CDC16: variants seen among roughly 807,000 people sequenced by gnomAD.
CDC16 encodes cell division cycle protein 16 homolog.
Under a neutral mutation model 87.0 loss-of-function variants are expected in CDC16, and 34 were observed. The observed-to-expected ratio is 0.39, with a 90% CI of 0.30 to 0.52. CDC16 has a LOEUF of 0.52. CDC16 is among the 20% of genes least tolerant of loss of function. The pLI is 0.74. For synonymous variants in CDC16, 263 were observed against 260.6 expected (o/e 1.01, Z -0.09); for missense variants, 653 against 751.9 (o/e 0.87, Z 1.54).
chr13:114,235,256 T>A, intron 1 of CDC16, 124 bp downstream of exon 1: 1 of 608,296 alleles, frequency 1.6e-6, no homozygotes, highest in Non-Finnish European at 2.4e-6. Context: ...CCCTGGGCCT[T>A]CATCTGGGGC....
At position 114,262,953 on chromosome 13, in the gene CDC16, C is replaced by T. The variant is rs149004037; in HGVS notation, c.1451C>T (p.Ala484Val). Residue 484 changes from alanine (A) to valine (V), a missense_variant, in exon 16 of 18, where the codon GCT becomes GTT. Ala to Val is a moderately conservative substitution (Grantham distance 64, BLOSUM62 0). Coordinates refer to ENST00000356221, the MANE Select transcript of CDC16 (RefSeq NM_001078645.3). Reference protein sequence around the residue: ...LIPQNASTYSAIGYIHSLMGN... With the variant: ...LIPQNASTYSVIGYIHSLMGN... The stretch of plus-strand genomic sequence containing the variant: ...CCTCAGAACGCATCCACCTACTCTG[C>T]TATTGGATATATCCACAGTCTGATG... 93 of 1,612,660 alleles carry T rather than the reference C, an allele frequency of 5.8e-5. No individual in the cohort carries two copies. Among genetic ancestry groups the T allele is most frequent in the Middle Eastern group, 1.7e-4 (1 of 6,058 alleles).
intron 17 of CDC16, among the ~76,000 whole-genome samples, chr13:114,267,506 A>T (rs1439622550): frequency 6.6e-6 from 1 of 152,192 alleles, no homozygotes; most frequent in Non-Finnish European, 1.5e-5. Context: ...ACAAAAAAAA[A>T]AGTGCTACGT....
At chr13:114,254,531 G>T (rs1206874575) in intron 12 of CDC16, among the ~76,000 whole-genome samples, 3 of 152,126 alleles carry the variant, frequency 2.0e-5, no homozygotes, top group African/African-American at 7.2e-5. Flanking sequence ...TCCTTGTGCT[G>T]TTAGTGTCAT....
chr13:114,272,251 CATT>C lies in CDC16; in HGVS notation c.1675_1677del (p.Ile559del), dbSNP rs2083736888. ...TGCATACAATGAAGACACTAAAAAACATTATTTCACCTCCGTGGGATTTCAGGG... is the reference window on the plus strand; with the variant it reads ...TGCATACAATGAAGACACTAAAAAACATTTCACCTCCGTGGGATTTCAGGG... On this transcript the variant is annotated inframe_deletion, in exon 18 of 18. Transcript: ENST00000356221. 6.2e-7 allele frequency: 1 copy of C among 1,612,124 alleles called. No individual in the cohort carries two copies. The highest frequency in any genetic ancestry group is 8.5e-7 in the Non-Finnish European group (1 of 1,178,466).
At chr13:114,259,692 G>T (rs551022105) in intron 14 of CDC16, among the ~76,000 whole-genome samples, 28 of 152,322 alleles carry the variant, frequency 1.8e-4, no homozygotes, top group African/African-American at 6.3e-4. Flanking sequence ...ATAGTCATTG[G>T]GTCACGGAAA....
Position 114,235,012 on chromosome 13 carries a change from G to C in CDC16, c.-73G>C. 1 of 1,183,202 alleles carries C rather than the reference G, an allele frequency of 8.5e-7. No homozygotes were observed. The highest frequency in any genetic ancestry group is 1.1e-6 in the Non-Finnish European group (1 of 937,328). The allele number at this position is 1,183,202 out of a possible 1,614,324, so 73.3% of individuals were successfully genotyped here. On this transcript the variant is annotated 5_prime_UTR_variant, in exon 1 of 18. Transcript: ENST00000356221. ...GGCTGCAGGCACGGGCACGGGCACG[G>C]GGCGGGGTGCTTAGGGTGCAGGAGG...
chr13:114,259,310 G>A (rs779663136), intron 13 of CDC16, 25 bp from the exon 14 acceptor site: 15 of 1,549,970 alleles, frequency 9.7e-6, no homozygotes, highest in Middle Eastern at 1.8e-4. Context: ...CGAATAATCT[G>A]CAACCTTTTT....
At chr13:114,267,528 T>G (rs75648340) in intron 17 of CDC16, among the ~76,000 whole-genome samples, 2,227 of 152,252 alleles carry the variant, frequency 0.015, 64 homozygotes, top group African/African-American at 0.051. Flanking sequence ...TTGGTAGTTA[T>G]GCATATTCTT....
intron 1 of CDC16, among the ~76,000 whole-genome samples, chr13:114,236,325 A>G (rs1031831315): frequency 6.6e-6 from 1 of 152,224 alleles, no homozygotes; most frequent in Non-Finnish European, 1.5e-5. Context: ...TGAATTGTTA[A>G]TGACTAGCTT....
At chr13:114,252,790 A>C (rs926660688) in intron 12 of CDC16, among the ~76,000 whole-genome samples, 20 of 152,218 alleles carry the variant, frequency 1.3e-4, no homozygotes, top group Admixed American at 8.5e-4. Context: ...AATGATAATT[A>C]ATGACACAAT....
At chr13:114,238,412 G>A (rs1338926609) in intron 3 of CDC16, among the ~76,000 whole-genome samples, 2 of 137,648 alleles carry the variant, frequency 1.5e-5, no homozygotes, top group Non-Finnish European at 1.5e-5. Context: ...CTCCTCGGAC[G>A]CCCAGCAGTT....
rs774337025 is a variant in CDC16, at chr13:114,257,183, C to T, written c.1203C>T (p.Asp401=). The T allele has an allele frequency of 1.3e-5, 21 of 1,613,322 alleles. No homozygotes were observed. Among genetic ancestry groups the T allele is most frequent in the Non-Finnish European group, 1.8e-5 (21 of 1,179,462 alleles). ...AAGCTCTGAGCATTGCACCGGAAGACCCTTTTGTTATGCATGAGGTCGGCG... is the reference window on the plus strand; with the variant it reads ...AAGCTCTGAGCATTGCACCGGAAGATCCTTTTGTTATGCATGAGGTCGGCG... The part of the protein sequence containing the change: ...FSQALSIAPE[D]PFVMHEVGVV... Residue 401 remains aspartate, a synonymous_variant, in exon 13 of 18, where the codon GAC becomes GAT. Coordinates refer to ENST00000356221, the MANE Select transcript of CDC16 (RefSeq NM_001078645.3).
chr13:114,239,021 G>C lies in CDC16; in HGVS notation c.233G>C (p.Arg78Thr), dbSNP rs751951705. 6.2e-7 allele frequency: 1 copy of C among 1,611,632 alleles called. No individual in the cohort carries two copies. Among genetic ancestry groups the C allele is most frequent in the African/African-American group, 1.3e-5 (1 of 74,828 alleles). The stretch of plus-strand genomic sequence containing the variant: ...GAAGCATGTCGTTACCTTGCAGCTA[G>C]GTGCCATGTAAGTATGCTCATAATT... The part of the protein sequence containing the change: ...LYEACRYLAA[R>T]CHYAAKEHQQ... Residue 78 changes from arginine to threonine, a missense_variant, in exon 4 of 18, where the codon AGG becomes ACG. Arg to Thr is a moderately conservative substitution (Grantham distance 71, BLOSUM62 -1). Transcript: ENST00000356221.
intron 1 of CDC16, 50 bp from the exon 2 acceptor site, chr13:114,236,589 TTAAGAC>T: frequency 6.7e-7 from 1 of 1,497,378 alleles, no homozygotes; most frequent in Non-Finnish European, 9.1e-7. Flanking sequence ...AGATAACTGT[TTAAGAC>T]TATTAAAATA....
At chr13:114,269,922 T>G (rs2083495959) in intron 17 of CDC16, among the ~76,000 whole-genome samples, 1 of 152,172 alleles carries the variant, frequency 6.6e-6, no homozygotes, top group African/African-American at 2.4e-5. Context: ...GCCAGGCTGG[T>G]CTCGAACTCC....
chr13:114,238,924 C>A, intron 3 of CDC16, 66 bp from the exon 4 acceptor site: 1 of 1,537,798 alleles, frequency 6.5e-7, no homozygotes, highest in Non-Finnish European at 8.8e-7. Flanking sequence ...ATGCTTATGG[C>A]TTTCTTTGAA....
At chr13:114,254,682 A>G (rs529427190) in intron 12 of CDC16, among the ~76,000 whole-genome samples, 8 of 152,352 alleles carry the variant, frequency 5.3e-5, no homozygotes, top group Admixed American at 5.2e-4. Context: ...AGCTATTTTT[A>G]TCAGACTCTC....
In CDC16 at chr13:114,244,828, G is replaced by C. The variant is rs148424600; in HGVS notation, c.768-62G>C. On this transcript the variant is annotated intron_variant, in intron 8 of 17. Transcript: ENST00000356221. The stretch of plus-strand genomic sequence containing the variant: ...CCATAATGACTGTCTACACATAGCC[G>C]ATCGTCGTGAGTGCTGTCACCTGCT... 3.0e-3 allele frequency: 2,919 copies of C among 972,998 alleles called. 17 individuals are homozygous for C. The highest frequency in any genetic ancestry group is 3.8e-3 in the Non-Finnish European group (2,334 of 606,328). 60.3% of individuals were successfully genotyped at this position (972,998 alleles called of 1,614,324 possible).
intron 14 of CDC16, among the ~76,000 whole-genome samples, chr13:114,261,576 G>A (rs966659602): frequency 6.6e-6 from 1 of 152,030 alleles, no homozygotes; most frequent in Non-Finnish European, 1.5e-5. Context: ...ACAAGCAGAA[G>A]TATTTAGCAG....
Sources: gnomAD v4.1 joint callset for allele counts (sites outside exome capture counted in the v4.1 genomes callset) on GRCh38, gnomAD v4.1.1 for gene constraint, MANE v1.5 for transcripts, NCBI Gene and HGNC (gene_info 2026-07-23, HGNC 2026-07-21) for gene names.